NALF1: variants seen among roughly 807,000 people sequenced by gnomAD.
The protein encoded by NALF1 is family with sequence similarity 155 member A.
Under a neutral mutation model 48.4 loss-of-function variants are expected in NALF1, and 3 were observed. That is an observed-to-expected ratio of 0.06 (90% CI 0.03 to 0.16). NALF1 has a LOEUF of 0.16. Among genes scored for constraint, NALF1 ranks in the 10% least tolerant of loss-of-function variants. The pLI is 1.00. For missense variants in NALF1, 526 were observed against 571.5 expected (o/e 0.92, Z 0.81); for synonymous variants, 262 against 245.7 (o/e 1.07, Z -0.62).
At chr13:107,597,580 A>G (rs890409409) in intron 1 of NALF1, among the ~76,000 whole-genome samples, 2 of 152,180 alleles carry the variant, frequency 1.3e-5, no homozygotes, top group Non-Finnish European at 2.9e-5. Flanking sequence ...TAGAGGTAAC[A>G]TAAAGGGTAC....
chr13:107,771,721 G>C, intron 1 of NALF1, among the ~76,000 whole-genome samples: 1 of 152,070 alleles, frequency 6.6e-6, no homozygotes, highest in East Asian at 1.9e-4. Flanking sequence ...CAGATATCCA[G>C]ATATCTGCAG....
At chr13:107,463,049 C>T (rs1212585465) in intron 1 of NALF1, among the ~76,000 whole-genome samples, 1 of 152,036 alleles carries the variant, frequency 6.6e-6, no homozygotes, top group Non-Finnish European at 1.5e-5. Context: ...GAGATAGTTC[C>T]GACGGATTGA....
At chr13:107,615,882 G>C (rs1379709399) in intron 1 of NALF1, among the ~76,000 whole-genome samples, 1 of 152,108 alleles carries the variant, frequency 6.6e-6, no homozygotes, top group Non-Finnish European at 1.5e-5. Context: ...CATGGCATGA[G>C]TGTAAGTCTT....
intron 1 of NALF1, among the ~76,000 whole-genome samples, chr13:107,711,763 G>A: frequency 6.6e-6 from 1 of 152,192 alleles, no homozygotes. Flanking sequence ...ATTTCAAACA[G>A]CATTCTCAAG....
At chr13:107,512,763 G>A (rs570035254) in intron 1 of NALF1, among the ~76,000 whole-genome samples, 2 of 152,172 alleles carry the variant, frequency 1.3e-5, no homozygotes, top group Admixed American at 6.5e-5. Flanking sequence ...GGAAAGGGGT[G>A]GTAAGTAACT....
rs552177275 is a variant in NALF1 at position 107,344,479 on chromosome 13, T to C, written c.916-133724A>G. Among the ~76,000 whole-genome samples, 5 of 152,276 alleles carry C rather than the reference T, an allele frequency of 3.3e-5. No individual in the cohort carries two copies. In the East Asian group the frequency reaches 9.6e-4, roughly 29 times the overall value. On this transcript the variant is annotated intron_variant, in intron 1 of 2. Transcript: ENST00000375915. ...CAATTTCAAAAGTACATTAAAAAGA[T>C]TAGACACTGTGACTAAGTTGGATTT...
At chr13:107,828,607 A>AT (rs1491194925) in intron 1 of NALF1, among the ~76,000 whole-genome samples, 28 of 4,794 alleles carry the variant, frequency 5.8e-3, no homozygotes, top group East Asian at 0.024. Flanking sequence ...CTATATCTAT[A>AT]CACACACACA....
At chr13:107,752,799 G>T (rs892680094) in intron 1 of NALF1, among the ~76,000 whole-genome samples, 1 of 152,096 alleles carries the variant, frequency 6.6e-6, no homozygotes, top group Non-Finnish European at 1.5e-5. Flanking sequence ...TTGTATAATT[G>T]GACATTAGAT....
At chr13:107,634,760 C>G (rs1879929560) in intron 1 of NALF1, among the ~76,000 whole-genome samples, 1 of 152,012 alleles carries the variant, frequency 6.6e-6, no homozygotes, top group Non-Finnish European at 1.5e-5. Context: ...GTCAGCAATT[C>G]TCTCATCAAG....
chr13:107,855,882 T>C lies in NALF1; in HGVS notation c.915+9800A>G, dbSNP rs1880429868. 6.6e-5 allele frequency among the ~76,000 whole-genome samples: 10 copies of C among 152,310 alleles called. No homozygotes were observed. The South Asian group carries it at 1.2e-3, about 19-fold the overall frequency. ...ACATTATTATGACAGAACTTGTTTA[T>C]TGAATAAGTGGAATTCCCTAAGAGC... On this transcript the variant is annotated intron_variant, in intron 1 of 2. Transcript: ENST00000375915.
chr13:107,502,189 T>C (rs964135000), intron 1 of NALF1, among the ~76,000 whole-genome samples: 3 of 152,178 alleles, frequency 2.0e-5, no homozygotes, highest in African/African-American at 7.2e-5. Context: ...AAAAAACACT[T>C]TGATAAGTCT....
intron 1 of NALF1, among the ~76,000 whole-genome samples, chr13:107,704,298 T>C (rs1285991927): frequency 6.6e-6 from 1 of 152,216 alleles, no homozygotes; most frequent in East Asian, 1.9e-4. Context: ...TTTATTTCTT[T>C]TATAATATTC....
intron 1 of NALF1, among the ~76,000 whole-genome samples, chr13:107,324,986 C>T (rs1042891385): frequency 2.0e-5 from 3 of 152,156 alleles, no homozygotes; most frequent in African/African-American, 7.2e-5. Flanking sequence ...ATTTGATTTA[C>T]TGAAGAAACT....
intron 1 of NALF1, among the ~76,000 whole-genome samples, chr13:107,861,172 T>G (rs1419638492): frequency 6.6e-6 from 1 of 152,194 alleles, no homozygotes. Flanking sequence ...ACTAAAATGA[T>G]TATGATATTC....
At position 107,767,873 on chromosome 13, in the gene NALF1, T is replaced by C. The variant is rs569017906; in HGVS notation, c.915+97809A>G. Among the ~76,000 whole-genome samples the C allele has an allele frequency of 7.2e-5, 11 of 152,328 alleles. No homozygotes were observed. In the South Asian group the frequency reaches 2.1e-3, roughly 29 times the overall value. On this transcript the variant is annotated intron_variant, in intron 1 of 2. Coordinates refer to ENST00000375915, the MANE Select transcript of NALF1 (RefSeq NM_001080396.3). ...TTAAAGAGCGTTTCTCTCATTTTCA[T>C]GTTTTATATGAGAAGAGACACAATT...
intron 1 of NALF1, among the ~76,000 whole-genome samples, chr13:107,444,911 T>C (rs1884622126): frequency 6.6e-6 from 1 of 152,342 alleles, no homozygotes; most frequent in African/African-American, 2.4e-5. Context: ...CAAACACAGT[T>C]GCAGAAATTT....
At chr13:107,604,693 T>C (rs969078668) in intron 1 of NALF1, among the ~76,000 whole-genome samples, 1 of 152,158 alleles carries the variant, frequency 6.6e-6, no homozygotes, top group Non-Finnish European at 1.5e-5. Context: ...ATTTTAGAAA[T>C]TTAAGCTCAC....
chr13:107,816,140 A>G lies in NALF1; in HGVS notation c.915+49542T>C, dbSNP rs141524069. On this transcript the variant is annotated intron_variant, in intron 1 of 2. Coordinates refer to ENST00000375915, the MANE Select transcript of NALF1 (RefSeq NM_001080396.3). ...GAGACTTGAGCAAACCTGTAAACTAACTAAACTCAGCAAAGATCTACAGAA... is the reference window on the plus strand; with the variant it reads ...GAGACTTGAGCAAACCTGTAAACTAGCTAAACTCAGCAAAGATCTACAGAA... 5.6e-3 allele frequency among the ~76,000 whole-genome samples: 850 copies of G among 152,202 alleles called. 7 individuals are homozygous for G. Among genetic ancestry groups the G allele is most frequent in the African/African-American group, 0.019 (796 of 41,508 alleles).
intron 1 of NALF1, among the ~76,000 whole-genome samples, chr13:107,633,168 A>G (rs78203770): frequency 0.13 from 19,145 of 152,150 alleles, 1,622 homozygotes; most frequent in Admixed American, 0.21. Context: ...TTATATTTTC[A>G]TATAAAGGAA....
Sources: allele counts gnomAD v4.1 joint callset (sites outside exome capture counted in the v4.1 genomes callset), GRCh38; gene constraint gnomAD v4.1.1; transcripts MANE v1.5; gene names NCBI Gene and HGNC (gene_info 2026-07-23, HGNC 2026-07-21).